Variants in ARHGEF4 observed in about 807,000 individuals in gnomAD.
ARHGEF4 encodes APC-stimulated guanine nucleotide exchange factor 1.
In ARHGEF4, 119 loss-of-function variants were observed where a neutral mutation model predicts 162.0. The observed-to-expected ratio is 0.73, with a 90% CI of 0.63 to 0.86. The LOEUF is 0.86. Ranked by LOEUF, ARHGEF4 falls within the 40% of genes least tolerant of loss-of-function variation. The probability of loss-of-function intolerance (pLI) is 0.00; values close to 1 mark genes in which losing one functional copy is unlikely to be tolerated. For synonymous variants in ARHGEF4, 1,014 were observed against 979.9 expected, an observed-to-expected ratio of 1.03 and a Z score of -0.65; for missense variants, 2,488 against 2,456.0, an observed-to-expected ratio of 1.01 and a Z score of -0.28.
At position 130,993,046 on chromosome 2, in the gene ARHGEF4, T is replaced by C. The variant is rs1319887479; in HGVS notation, c.3986-34899T>C. On this transcript the variant is annotated intron_variant, in intron 4 of 13. Transcript: ENST00000409359. Reference sequence around the variant, plus strand: ...TTGCAGTGAGCTGAGATAGCGTCAGTGCACTCCAGTCTGGGCAACAGAGCA... The same window carrying C: ...TTGCAGTGAGCTGAGATAGCGTCAGCGCACTCCAGTCTGGGCAACAGAGCA... Among the ~76,000 whole-genome samples the C allele has an allele frequency of 3.9e-5, 6 of 152,332 alleles. No individual in the cohort carries two copies. In the Middle Eastern group the frequency reaches 0.014, roughly 345 times the overall value.
chr2:130,857,172 C>T lies in ARHGEF4; in HGVS notation c.39+20180C>T, dbSNP rs577921516. Among the ~76,000 whole-genome samples the T allele has an allele frequency of 5.3e-5, 8 of 152,118 alleles. No individual in the cohort carries two copies. In the East Asian group the frequency reaches 1.5e-3, roughly 29 times the overall value. ...GCATGAACCCGGGAGGCGAAGCTTG[C>T]GGTGAGCCGAGATCGCGTCACTGCA... is the stretch of plus-strand genomic sequence containing the variant. On this transcript the variant is annotated intron_variant, in intron 1 of 13. Coordinates refer to ENST00000409359, the MANE Select transcript of ARHGEF4 (RefSeq NM_001367493.1).
At chr2:130,897,821 T>A (rs532892525) in intron 1 of ARHGEF4, among the ~76,000 whole-genome samples, 1 of 152,024 alleles carries the variant, frequency 6.6e-6, no homozygotes, top group Admixed American at 6.6e-5. Flanking sequence ...AAATACCATG[T>A]TGCTACTGAT....
At chr2:130,898,595 G>A (rs1559026648) in intron 1 of ARHGEF4, among the ~76,000 whole-genome samples, 1 of 152,186 alleles carries the variant, frequency 6.6e-6, no homozygotes, top group East Asian at 1.9e-4. Context: ...GAGGATGAGA[G>A]AGAAAGGAAG....
At chr2:130,969,424 C>T (rs1021582240) in intron 4 of ARHGEF4, among the ~76,000 whole-genome samples, 5 of 151,876 alleles carry the variant, frequency 3.3e-5, no homozygotes, top group Admixed American at 6.6e-5. Flanking sequence ...GGTGAAACCC[C>T]GTCTCTACTA....
At chr2:131,045,547 C>T (rs1194133696) in intron 13 of ARHGEF4, 101 bp downstream of exon 13, 1 of 1,610,726 alleles carries the variant, frequency 6.2e-7, no homozygotes, top group Non-Finnish European at 8.5e-7. Context: ...AGCCACCAGG[C>T]CTGAGGGGGG....
chr2:130,864,385 G>A (rs114027038), intron 1 of ARHGEF4, among the ~76,000 whole-genome samples: 78 of 152,302 alleles, frequency 5.1e-4, no homozygotes, highest in African/African-American at 1.7e-3. Flanking sequence ...TGGGGCTGGA[G>A]TGAGGGGTGA....
At chr2:130,943,865 C>G (rs1014803771) in intron 3 of ARHGEF4, among the ~76,000 whole-genome samples, 2 of 152,080 alleles carry the variant, frequency 1.3e-5, no homozygotes, top group African/African-American at 4.8e-5. Context: ...TATATTTACC[C>G]AGCTATTTAT....
intron 1 of ARHGEF4, among the ~76,000 whole-genome samples, chr2:130,887,831 C>A (rs1679612620): frequency 6.6e-6 from 1 of 152,090 alleles, no homozygotes; most frequent in Admixed American, 6.5e-5. Flanking sequence ...CTCCACTGTG[C>A]TGGGAAGGAG....
At chr2:130,954,037 GC>G (rs1336642046) in intron 4 of ARHGEF4, among the ~76,000 whole-genome samples, 1 of 152,192 alleles carries the variant, frequency 6.6e-6, no homozygotes, top group Non-Finnish European at 1.5e-5. Context: ...ATTTGACCCA[GC>G]CATCCCATTA....
chr2:130,972,774 T>C (rs910904464), intron 4 of ARHGEF4, among the ~76,000 whole-genome samples: 2 of 152,246 alleles, frequency 1.3e-5, no homozygotes, highest in Non-Finnish European at 2.9e-5. Flanking sequence ...TGAGAGCTCA[T>C]ACTAAGGATA....
At position 130,953,328 on chromosome 2, in the gene ARHGEF4, T is replaced by C. The variant is rs1394245936; in HGVS notation, c.3985+6693T>C. ...GGGAAAGGATTCCCTATTTAATAAA[T>C]GGTGTTGGGAAAACTGGCTAGCCAT... is the stretch of plus-strand genomic sequence containing the variant. On this transcript the variant is annotated intron_variant, in intron 4 of 13. Coordinates refer to ENST00000409359, the MANE Select transcript of ARHGEF4 (RefSeq NM_001367493.1). 3.3e-5 allele frequency among the ~76,000 whole-genome samples: 5 copies of C among 152,278 alleles called. No homozygotes were observed. In the East Asian group the frequency reaches 9.7e-4, roughly 29 times the overall value.
intron 4 of ARHGEF4, among the ~76,000 whole-genome samples, chr2:131,010,573 G>A (rs1023655311): frequency 6.6e-6 from 1 of 152,252 alleles, no homozygotes; most frequent in African/African-American, 2.4e-5. Context: ...CTGTCGAAGA[G>A]CAAGCATGTG....
At chr2:130,891,775 C>T (rs561387451) in intron 1 of ARHGEF4, among the ~76,000 whole-genome samples, 65 of 152,222 alleles carry the variant, frequency 4.3e-4, no homozygotes, top group Non-Finnish European at 6.8e-4. Flanking sequence ...CCTTCATTAC[C>T]TCCTTAAAGG....
chr2:130,962,237 C>CAAA (rs11332592), intron 4 of ARHGEF4, among the ~76,000 whole-genome samples: 1 of 122,358 alleles, frequency 8.2e-6, no homozygotes, highest in African/African-American at 3.1e-5. Context: ...GTTTCCGTTT[C>CAAA]AAAAAAAAAA....
Position 131,046,172 on chromosome 2 carries a change from G to A in ARHGEF4, c.5614G>A (p.Ala1872Thr). Residue 1872 changes from alanine (A) to threonine (T), a missense_variant, in exon 14 of 14, where the codon GCA becomes ACA. Ala to Thr is a moderately conservative substitution (Grantham distance 58, BLOSUM62 0). Coordinates refer to ENST00000409359, the MANE Select transcript of ARHGEF4 (RefSeq NM_001367493.1). ...STFWHSISRL[A>T]PFRK ...CTTCTGGCACAGCATCAGCCGGCTG[G>A]CACCCTTCCGCAAGTGAACTGGTCC... is the stretch of plus-strand genomic sequence containing the variant. 1 of 1,611,980 alleles carries A rather than the reference G, an allele frequency of 6.2e-7. No homozygotes were observed.
intron 4 of ARHGEF4, among the ~76,000 whole-genome samples, chr2:131,013,612 T>G (rs1277162415): frequency 6.6e-6 from 1 of 152,200 alleles, no homozygotes; most frequent in Non-Finnish European, 1.5e-5. Flanking sequence ...ATTGATTGAT[T>G]GATTTTGAGA....
chr2:130,868,070 C>T (rs1276055834), intron 1 of ARHGEF4, among the ~76,000 whole-genome samples: 17 of 151,158 alleles, frequency 1.1e-4, no homozygotes, highest in African/African-American at 2.7e-4. Context: ...GGACTACAGG[C>T]GCCCGCCACC....
rs757016124 is a variant in ARHGEF4, at chr2:131,028,039, C to T, written c.4080C>T (p.His1360=). Residue 1360 remains histidine, a synonymous_variant, in exon 5 of 14, where the codon CAC becomes CAT. Transcript: ENST00000409359. ...LYDDLHSSSH[H]YSHPGGGGEQ... ...ATGACCTGCACAGCTCCAGCCACCA[C>T]TACAGCCACCCTGGAGGGGGTGGGG... is the stretch of plus-strand genomic sequence containing the variant. 10 of 1,614,136 alleles carry T rather than the reference C, an allele frequency of 6.2e-6. No homozygotes were observed. The South Asian group carries it at 1.1e-4, about 18-fold the overall frequency.
At chr2:130,984,420 G>A (rs1489541168) in intron 4 of ARHGEF4, among the ~76,000 whole-genome samples, 1 of 152,184 alleles carries the variant, frequency 6.6e-6, no homozygotes, top group Non-Finnish European at 1.5e-5. Context: ...GCCAGGCGCA[G>A]TGGCTCACAC....
Sources: gnomAD v4.1 joint callset for allele counts (sites outside exome capture counted in the v4.1 genomes callset) on GRCh38, gnomAD v4.1.1 for gene constraint, MANE v1.5 for transcripts, NCBI Gene and HGNC (gene_info 2026-07-23, HGNC 2026-07-21) for gene names.